The following RGPD4 variants were observed in gnomAD, a reference collection of about 807,000 sequenced individuals.
RGPD4 encodes RANBP2 like and GRIP domain containing 4, also known as ranBP2-like and GRIP domain-containing protein 4.
A neutral mutation model predicts 141.1 loss-of-function variants in RGPD4; 84 were observed. That is an observed-to-expected ratio of 0.60 (90% CI 0.50 to 0.71). RGPD4 has a LOEUF of 0.71. Among genes scored for constraint, RGPD4 ranks in the 30% least tolerant of loss-of-function variants. RGPD4 has a pLI of 0.00. For missense variants in RGPD4, 918 were observed against 1,622.4 expected (o/e 0.57, Z 7.46); for synonymous variants, 298 against 566.8 (o/e 0.53, Z 6.74).
intron 21 of RGPD4, among the ~76,000 whole-genome samples, chr2:107,881,243 C>T (rs1675353964): frequency 6.6e-6 from 1 of 150,430 alleles, no homozygotes; most frequent in African/African-American, 2.5e-5. Flanking sequence ...ATAACATTTT[C>T]CCACTAATAA....
At chr2:107,888,687 T>C (rs1675573993) in intron 22 of RGPD4, among the ~76,000 whole-genome samples, 1 of 118,044 alleles carries the variant, frequency 8.5e-6, no homozygotes, top group Admixed American at 8.5e-5. Flanking sequence ...TTGTGGCTTC[T>C]ATCTTGCTAG....
Position 107,872,167 on chromosome 2 carries a change from A to T in RGPD4, c.4163A>T (p.Tyr1388Phe), listed in dbSNP as rs1361189687. ...GIGDIKILQN[Y>F]DNKQVRIVMR... Reference sequence around the variant, plus strand: ...GGTGATATAAAGATTTTACAGAATTATGATAATAAGCAAGTTCGTATAGTG... The same window carrying T: ...GGTGATATAAAGATTTTACAGAATTTTGATAATAAGCAAGTTCGTATAGTG... The change falls in exon 20 of 23, where the codon TAT (tyrosine) becomes TTT (phenylalanine). Residue 1388 changes from tyrosine (Y) to phenylalanine (F), a missense_variant. Physicochemically the swap from Tyr to Phe is conservative, Grantham distance 22. Transcript: ENST00000408999. The T allele has an allele frequency of 6.2e-7, 1 of 1,611,608 alleles. No individual in the cohort carries two copies. The highest frequency in any genetic ancestry group is 8.5e-7 in the Non-Finnish European group (1 of 1,179,832).
In RGPD4 at chr2:107,881,943, G is replaced by A. The variant is rs1435174427; in HGVS notation, c.5065-729G>A. Among the ~76,000 whole-genome samples, 2 of 151,806 alleles carry A rather than the reference G, an allele frequency of 1.3e-5. 1 individual carries two copies. Among genetic ancestry groups the A allele is most frequent in the East Asian group, 3.9e-4 (2 of 5,190 alleles). ...ACGTCTTAACTGCCTGGGACTTCAG[G>A]AACAGCGTAGGGGCAGGGGGTTAGT... On this transcript the variant is annotated intron_variant, in intron 21 of 22. Coordinates refer to ENST00000408999, the MANE Select transcript of RGPD4 (RefSeq NM_182588.3).
intron 21 of RGPD4, among the ~76,000 whole-genome samples, chr2:107,881,623 A>G (rs1166082635): frequency 6.6e-6 from 1 of 150,812 alleles, no homozygotes; most frequent in Non-Finnish European, 1.5e-5. Flanking sequence ...GCCAAATGTT[A>G]TATTTTCATA....
At chr2:107,844,083 T>C (rs1298926847) in intron 6 of RGPD4, among the ~76,000 whole-genome samples, 1 of 147,176 alleles carries the variant, frequency 6.8e-6, no homozygotes, top group African/African-American at 2.4e-5. Context: ...AAAATTAAGG[T>C]TCATCTGTCA....
intron 22 of RGPD4, among the ~76,000 whole-genome samples, chr2:107,887,037 G>C (rs1055396425): frequency 2.0e-5 from 3 of 148,822 alleles, no homozygotes; most frequent in African/African-American, 7.5e-5. Flanking sequence ...GAGAACAGGA[G>C]TTCAGAATCA....
At chr2:107,827,232 G>A (rs868665774) in intron 1 of RGPD4, 147 bp downstream of exon 1, 2 of 658,310 alleles carry the variant, frequency 3.0e-6, no homozygotes, top group Non-Finnish European at 2.1e-6. Flanking sequence ...CGGCGGCCTC[G>A]ACCCGGCCCG....
In RGPD4 at chr2:107,836,833, T is replaced by C. The variant is rs1293578591; in HGVS notation, c.140+164T>C. ...ATGCTAAGGACCAGCCTAGATTCCA[T>C]TGAGATTGAAACTGTAATTAGTGTT... On this transcript the variant is annotated intron_variant, in intron 2 of 22. Coordinates refer to ENST00000408999, the MANE Select transcript of RGPD4 (RefSeq NM_182588.3). Among the ~76,000 whole-genome samples the C allele has an allele frequency of 2.7e-5, 2 of 73,228 alleles. 1 individual carries two copies. The highest frequency in any genetic ancestry group is 1.2e-4 in the African/African-American group (2 of 16,146). The allele number at this position is 73,228 out of a possible 152,430, so 48.0% of individuals were successfully genotyped here.
intron 1 of RGPD4, among the ~76,000 whole-genome samples, chr2:107,831,134 G>A (rs1661382): frequency 0.3 from 16,158 of 54,020 alleles, 2,539 homozygotes; most frequent in Middle Eastern, 0.46. Context: ...CAGAGATTGT[G>A]CCACTGCACT....
intron 1 of RGPD4, among the ~76,000 whole-genome samples, chr2:107,827,784 AGGCGGCGGCCTCGACCCGGCCC>A (rs1339435795): frequency 3.5e-5 from 1 of 28,716 alleles, no homozygotes; most frequent in South Asian, 1.8e-3. Flanking sequence ...CGCTCTGTTG[AGGCGGCGGCCTCGACCCGGCCC>A]GGCGGCGGCC....
At chr2:107,849,575 T>C (rs1469727166) in intron 7 of RGPD4, among the ~76,000 whole-genome samples, 1 of 41,514 alleles carries the variant, frequency 2.4e-5, no homozygotes, top group African/African-American at 1.2e-4. Context: ...TTTCACCATG[T>C]TAGCCAGGAT....
intron 1 of RGPD4, 121 bp from the exon 2 acceptor site, chr2:107,836,481 T>A (rs879877308): frequency 0.018 from 18,760 of 1,036,878 alleles, 319 homozygotes; most frequent in Admixed American, 0.03. Flanking sequence ...TTAAAAAAAA[T>A]TTTTAAGTGA....
intron 22 of RGPD4, among the ~76,000 whole-genome samples, chr2:107,883,595 C>A (rs973130387): frequency 4.2e-5 from 6 of 142,766 alleles, no homozygotes; most frequent in African/African-American, 1.6e-4. Flanking sequence ...CCACTGTACT[C>A]CAGCCTGACG....
intron 22 of RGPD4, among the ~76,000 whole-genome samples, chr2:107,890,443 G>C (rs1306083371): frequency 2.0e-4 from 28 of 140,898 alleles, no homozygotes; most frequent in African/African-American, 6.8e-4. Context: ...CAGTTGCTTG[G>C]GAGGCTGAGG....
chr2:107,847,756 T>C (rs1348040132), intron 6 of RGPD4, among the ~76,000 whole-genome samples: 1 of 74,500 alleles, frequency 1.3e-5, no homozygotes, highest in Admixed American at 1.4e-4. Flanking sequence ...ACCTGGGAGG[T>C]GGAGGTTGCA....
chr2:107,880,050 A>G lies in RGPD4; in HGVS notation c.5007A>G (p.Leu1669=), dbSNP rs368994910. Residue 1669 remains leucine (L), a synonymous_variant, in exon 21 of 23, where the codon TTA becomes TTG. Coordinates refer to ENST00000408999, the MANE Select transcript of RGPD4 (RefSeq NM_182588.3). ...CCACCACAAAAAGTGCAGATCACTT[A>G]AACGGCCTGCTTCGGGAAGCAGAGG... ...LSSTTKSADH[L]NGLLREAEAT... 1.0e-3 allele frequency: 1,667 copies of G among 1,611,520 alleles called. 4 individuals are homozygous for G. The highest frequency in any genetic ancestry group is 1.5e-3 in the South Asian group (139 of 90,988).
chr2:107,846,509 C>T (rs957808090), intron 6 of RGPD4, among the ~76,000 whole-genome samples: 11 of 151,462 alleles, frequency 7.3e-5, no homozygotes, highest in African/African-American at 2.7e-4. Flanking sequence ...TCTTGTTGCC[C>T]AGGCTAGAGT....
Position 107,859,747 on chromosome 2 carries a change from C to A in RGPD4, c.1660C>A (p.Leu554Ile). Reference sequence around the variant, plus strand: ...ACCTGGAAACTCAGCAAAATTGAGACTTTTAGTTCAGCATGAAATAAACAC... The same window carrying A: ...ACCTGGAAACTCAGCAAAATTGAGAATTTTAGTTCAGCATGAAATAAACAC... ...AVPGNSAKLR[L>I]LVQHEINTLR... Residue 554 changes from leucine (L) to isoleucine (I), a missense_variant, in exon 12 of 23, where the codon CTT (leucine) becomes ATT (isoleucine). Coordinates refer to ENST00000408999, the MANE Select transcript of RGPD4 (RefSeq NM_182588.3). The A allele has an allele frequency of 6.2e-7, 1 of 1,611,056 alleles. No homozygotes were observed. The highest frequency in any genetic ancestry group is 1.1e-5 in the South Asian group (1 of 90,960).
chr2:107,854,726 G>C, intron 8 of RGPD4, 83 bp downstream of exon 8: 1 of 1,565,940 alleles, frequency 6.4e-7, no homozygotes, highest in Non-Finnish European at 8.6e-7. Context: ...ATCTCCATCT[G>C]TCCAGGAGAT....
Sources: gnomAD v4.1 joint callset for allele counts (sites outside exome capture counted in the v4.1 genomes callset) on GRCh38, gnomAD v4.1.1 for gene constraint, MANE v1.5 for transcripts, NCBI Gene and HGNC (gene_info 2026-07-23, HGNC 2026-07-21) for gene names.